Variants in EIF3H observed in about 807,000 individuals in gnomAD.
EIF3H encodes the protein eIF-3-gamma.
In EIF3H, 26 loss-of-function variants were observed where a neutral mutation model predicts 44.2. The ratio of observed to expected loss-of-function variants is 0.59; its 90% CI spans 0.43 to 0.82. The LOEUF (loss-of-function observed/expected upper bound fraction) is 0.82. EIF3H is among the 40% of genes least tolerant of loss of function. The pLI is 0.00. For missense variants in EIF3H, 359 were observed against 432.8 expected, an observed-to-expected ratio of 0.83 and a Z score of 1.51; for synonymous variants, 166 against 151.9, an observed-to-expected ratio of 1.09 and a Z score of -0.68.
chr8:116,650,660 T>C (rs1813373280), intron 5 of EIF3H, among the ~76,000 whole-genome samples: 1 of 152,176 alleles, frequency 6.6e-6, no homozygotes, highest in African/African-American at 2.4e-5. Context: ...AGGCTGCTTA[T>C]TGTAGGACTC....
intron 2 of EIF3H, among the ~76,000 whole-genome samples, chr8:116,678,203 C>T (rs1260388560): frequency 2.6e-5 from 4 of 151,788 alleles, no homozygotes; most frequent in Admixed American, 2.0e-4. Context: ...CTGTGTTGGC[C>T]GGGCTGGTCT....
At chr8:116,663,930 C>CAAA (rs779193805) in intron 2 of EIF3H, among the ~76,000 whole-genome samples, 1,050 of 76,152 alleles carry the variant, frequency 0.014, 19 homozygotes, top group African/African-American at 0.042. Flanking sequence ...GACTCAGTCT[C>CAAA]AAAAAAAAAA....
chr8:116,695,000 A>T lies in EIF3H; in HGVS notation c.289+31016T>A, dbSNP rs573810923. On this transcript the variant is annotated intron_variant, in intron 2 of 7. Coordinates refer to ENST00000521861, the MANE Select transcript of EIF3H (RefSeq NM_003756.3). Reference sequence around the variant, plus strand: ...GGTCCTGCCCGCTGTCTTTAAAAAGAAAGTGAAACAAAGCAGCAGCAACAA... The same window carrying T: ...GGTCCTGCCCGCTGTCTTTAAAAAGTAAGTGAAACAAAGCAGCAGCAACAA... Among the ~76,000 whole-genome samples the T allele has an allele frequency of 7.9e-5, 12 of 152,308 alleles. 1 individual carries two copies. The South Asian group carries it at 2.1e-3, about 26-fold the overall frequency.
chr8:116,730,878 C>T (rs1814940341), intron 1 of EIF3H, among the ~76,000 whole-genome samples: 1 of 152,198 alleles, frequency 6.6e-6, no homozygotes, highest in Admixed American at 6.5e-5. Flanking sequence ...TTAATCCTTA[C>T]AACCACCCTG....
chr8:116,647,669 G>T (rs761038977), intron 6 of EIF3H, among the ~76,000 whole-genome samples: 1 of 152,122 alleles, frequency 6.6e-6, no homozygotes, highest in Non-Finnish European at 1.5e-5. Flanking sequence ...AACCAAGCTG[G>T]GCTAGTAAAA....
chr8:116,649,476 C>G (rs564599618), intron 5 of EIF3H, among the ~76,000 whole-genome samples: 34 of 152,268 alleles, frequency 2.2e-4, no homozygotes, highest in Admixed American at 6.5e-4. Context: ...CTTATTCTCT[C>G]CCGAAATTTC....
intron 1 of EIF3H, among the ~76,000 whole-genome samples, chr8:116,736,809 T>A (rs1000857153): frequency 5.3e-5 from 8 of 152,214 alleles, no homozygotes; most frequent in Non-Finnish European, 1.0e-4. Flanking sequence ...TCCCCTGAGA[T>A]GCTATAATAC....
chr8:116,748,739 C>A (rs984039500), intron 1 of EIF3H, among the ~76,000 whole-genome samples: 2 of 152,074 alleles, frequency 1.3e-5, no homozygotes, highest in Non-Finnish European at 2.9e-5. Context: ...AAACAAGGAC[C>A]AAACTGGATA....
intron 2 of EIF3H, among the ~76,000 whole-genome samples, chr8:116,679,686 G>A (rs1386816707): frequency 6.2e-4 from 5 of 8,058 alleles, no homozygotes; most frequent in African/African-American, 2.4e-3. Context: ...GGTGAGGGGC[G>A]CCTCTGCCCA....
intron 6 of EIF3H, among the ~76,000 whole-genome samples, chr8:116,647,191 T>C (rs549339349): frequency 9.1e-4 from 139 of 152,096 alleles, no homozygotes; most frequent in African/African-American, 3.1e-3. Context: ...CCTCCCCGCC[T>C]CCCCAGTTCA....
upstream of EIF3H, among the ~76,000 whole-genome samples, chr8:116,756,742 C>T (rs967236257): frequency 3.3e-5 from 5 of 152,230 alleles, no homozygotes; most frequent in Admixed American, 3.3e-4. Flanking sequence ...GTTACAAATT[C>T]TTAACACTAC....
chr8:116,652,238 C>A (rs1731134457), intron 5 of EIF3H, among the ~76,000 whole-genome samples: 1 of 152,192 alleles, frequency 6.6e-6, no homozygotes, highest in Non-Finnish European at 1.5e-5. Flanking sequence ...CTAAAATACT[C>A]AGTGACATAG....
intron 2 of EIF3H, among the ~76,000 whole-genome samples, chr8:116,687,689 C>T (rs1056813273): frequency 2.6e-5 from 4 of 152,038 alleles, no homozygotes; most frequent in Admixed American, 1.3e-4. Flanking sequence ...AAATAATTTT[C>T]AAATCTATGG....
At chr8:116,694,456 G>C (rs1276714315) in intron 2 of EIF3H, among the ~76,000 whole-genome samples, 1 of 151,880 alleles carries the variant, frequency 6.6e-6, no homozygotes, top group Non-Finnish European at 1.5e-5. Flanking sequence ...CTGTTTGTTT[G>C]TTTTCCTTCT....
chr8:116,666,133 G>A (rs979451265), intron 2 of EIF3H, among the ~76,000 whole-genome samples: 1 of 152,126 alleles, frequency 6.6e-6, no homozygotes, highest in African/African-American at 2.4e-5. Context: ...TGTAAAAGAA[G>A]TAACAAAAAT....
At chr8:116,762,429 T>C (rs1815526728) in intron 1 of EIF3H, among the ~76,000 whole-genome samples, 1 of 152,220 alleles carries the variant, frequency 6.6e-6, no homozygotes, top group African/African-American at 2.4e-5. Flanking sequence ...ATTCTCAAAA[T>C]TACCTCATGG....
At position 116,692,696 on chromosome 8, in the gene EIF3H, T is replaced by C. The variant is rs140342853; in HGVS notation, c.289+33320A>G. ...ACTCAGATTATATTTTCACTTTATA[T>C]TGTGGCACTCAGACATTTATTTTAA... On this transcript the variant is annotated intron_variant, in intron 2 of 7. Coordinates refer to ENST00000521861, the MANE Select transcript of EIF3H (RefSeq NM_003756.3). 6.0e-3 allele frequency among the ~76,000 whole-genome samples: 921 copies of C among 152,318 alleles called. 11 individuals carry two copies. Among genetic ancestry groups the C allele is most frequent in the African/African-American group, 0.02 (850 of 41,576 alleles).
At chr8:116,681,810 T>C (rs1313105315) in intron 2 of EIF3H, among the ~76,000 whole-genome samples, 1 of 152,216 alleles carries the variant, frequency 6.6e-6, no homozygotes, top group African/African-American at 2.4e-5. Flanking sequence ...GTTCTGATAA[T>C]TTTATTATTC....
intron 2 of EIF3H, among the ~76,000 whole-genome samples, chr8:116,717,176 A>G (rs947577657): frequency 6.6e-6 from 1 of 152,018 alleles, no homozygotes; most frequent in African/African-American, 2.4e-5. Context: ...ATTAATATAG[A>G]GTATATGGGT....
Sources: allele counts gnomAD v4.1 joint callset (sites outside exome capture counted in the v4.1 genomes callset), GRCh38; gene constraint gnomAD v4.1.1; transcripts MANE v1.5; gene names NCBI Gene and HGNC (gene_info 2026-07-23, HGNC 2026-07-21).